The following PEX6 variants were observed in gnomAD, a reference collection of about 807,000 sequenced individuals.
The protein encoded by PEX6 is peroxisome biogenesis factor 6.
Under a neutral mutation model 85.6 loss-of-function variants are expected in PEX6, and 55 were observed. The observed-to-expected ratio is 0.64, with a 90% confidence interval of 0.52 to 0.80. The LOEUF is 0.80. Among genes scored for constraint, PEX6 ranks in the 30% least tolerant of loss-of-function variants. The probability of loss-of-function intolerance (pLI) is 0.00; values close to 1 mark genes in which losing one functional copy is unlikely to be tolerated. For synonymous variants in PEX6, 519 were observed against 549.1 expected (o/e 0.95, Z 0.77); for missense variants, 1,099 against 1,260.3 (o/e 0.87, Z 1.94).
rs768582992 is a variant in PEX6, at chr6:42,966,823, G to A, written c.1920C>T (p.Thr640=). ...TGGTGCAGGCTGCCCGGCTGCTGTG[G>A]GTCAGAAGGGCATAGAGATCCCCTA... The part of the protein sequence containing the change: ...FVVGDLYALL[T]HSSRAACTRI... The change falls in exon 9 of 17, where the codon ACC becomes ACT. Residue 640 remains threonine, a synonymous_variant. Coordinates refer to ENST00000304611, the MANE Select transcript of PEX6 (RefSeq NM_000287.4). 2 of 1,613,664 alleles carry A rather than the reference G, an allele frequency of 1.2e-6. No homozygotes were observed. The highest frequency in any genetic ancestry group is 2.2e-5 in the South Asian group (2 of 91,080).
At chr6:42,968,628 T>G (rs1436878306) in intron 6 of PEX6, 130 bp from the exon 7 acceptor site, 3 of 859,984 alleles carry the variant, frequency 3.5e-6, no homozygotes, top group Non-Finnish European at 5.5e-6. Context: ...GAAGGTACCC[T>G]GGCCAAGTCC....
chr6:42,964,712 C>T lies in PEX6; in HGVS notation c.2806+78G>A, dbSNP rs7775607. ...TCAAGCGATCCTCCCACCTCAGCCT[C>T]TCAAGTAGCTGGGACTCAGGTGCAC... On this transcript the variant is annotated intron_variant, in intron 16 of 16. Coordinates refer to ENST00000304611, the MANE Select transcript of PEX6 (RefSeq NM_000287.4). The surrounding 1 kb of genome is among the most constrained non-coding windows in gnomAD (Gnocchi z 4.6). The T allele has an allele frequency of 2.1e-3, 3,277 of 1,584,588 alleles. 62 individuals are homozygous for T. The African/African-American group carries it at 0.037, about 18-fold the overall frequency.
At position 42,965,401 on chromosome 6, in the gene PEX6, G is replaced by A. The variant is rs1343325270; in HGVS notation, c.2472-33C>T. The A allele has an allele frequency of 1.3e-6, 2 of 1,499,964 alleles. No individual in the cohort carries two copies. Among genetic ancestry groups the A allele is most frequent in the Non-Finnish European group, 1.9e-6 (2 of 1,077,416 alleles). The allele number at this position is 1,499,964 out of a possible 1,614,324, so 92.9% of individuals were successfully genotyped here. ...GAAGGGAGCAAGGGCAAGAGTCCTTGGTGTCCCCCTTAGACTCTGCCCCTG... is the reference window on the plus strand; with the variant it reads ...GAAGGGAGCAAGGGCAAGAGTCCTTAGTGTCCCCCTTAGACTCTGCCCCTG... On this transcript the variant is annotated intron_variant, in intron 13 of 16. Coordinates refer to ENST00000304611, the MANE Select transcript of PEX6 (RefSeq NM_000287.4). This position sits in a 1 kb window ranked among gnomAD's most constrained non-coding sequence, Gnocchi z 5.0.
At position 42,966,416 on chromosome 6, in the gene PEX6, C is replaced by T. The variant is rs770486533; in HGVS notation, c.2126G>A (p.Gly709Glu). The T allele has an allele frequency of 1.2e-6, 2 of 1,614,140 alleles. No homozygotes were observed. The highest frequency in any genetic ancestry group is 2.2e-5 in the South Asian group (2 of 91,084). ...GATCTCCTTCTTCACCTCCTGCAGC[C>T]CACCCACATCATGCCAGGACACTGA... ...IPSVSWHDVG[G>E]LQEVKKEILE... Residue 709 changes from glycine (G) to glutamate (E), a missense_variant, in exon 11 of 17, where the codon GGG becomes GAG. Physicochemically the swap from Gly to Glu is moderately conservative, Grantham distance 98 (BLOSUM62 -2). Transcript: ENST00000304611.
intron 8 of PEX6, 135 bp downstream of exon 8, chr6:42,967,233 T>A: frequency 1.2e-6 from 1 of 837,576 alleles, no homozygotes; most frequent in Non-Finnish European, 1.9e-6. Context: ...CCTCCCAAAG[T>A]GCTAGGATTA....
rs1266249172 is a variant in PEX6, at chr6:42,971,736, C to T, written c.1131-1749G>A. On this transcript the variant is annotated intron_variant, in intron 3 of 16. Transcript: ENST00000304611. This position sits in a 1 kb window ranked among gnomAD's most constrained non-coding sequence, Gnocchi z 4.4. ...CTTGCGGGGAAAAGAACTATGTGCT[C>T]GGCACTCAGGAGGAAAGCAGGGTTC... 6.6e-6 allele frequency among the ~76,000 whole-genome samples: 1 copy of T among 152,180 alleles called. No individual in the cohort carries two copies. The highest frequency in any genetic ancestry group is 1.5e-5 in the Non-Finnish European group (1 of 68,040).
At chr6:42,972,661 T>C (rs1313922330) in intron 3 of PEX6, among the ~76,000 whole-genome samples, 1 of 151,738 alleles carries the variant, frequency 6.6e-6, no homozygotes, top group East Asian at 1.9e-4. Context: ...TCCCAGCTAC[T>C]TGGGAGGCTG....
In PEX6 at chr6:42,974,923, G is replaced by A. The variant is rs1770224953; in HGVS notation, c.998C>T (p.Thr333Ile). 6.2e-7 allele frequency: 1 copy of A among 1,614,002 alleles called. No homozygotes were observed. Among genetic ancestry groups the A allele is most frequent in the South Asian group, 1.1e-5 (1 of 91,080 alleles). The change falls in exon 2 of 17, where the codon ACT becomes ATT. Residue 333 changes from threonine (T) to isoleucine (I), a missense_variant. Thr to Ile is a moderately conservative substitution (Grantham distance 89). Transcript: ENST00000304611. ...IEIVSSPHYS[T>I]NGNYDGVLYR... is the part of the protein sequence containing the mutation. ...AAGAACACCGTCATAATTTCCATTAGTGCTGTAGTGGGGAGAAGACACAAT... is the reference window on the plus strand; with the variant it reads ...AAGAACACCGTCATAATTTCCATTAATGCTGTAGTGGGGAGAAGACACAAT...
chr6:42,976,051 ATT>A (rs575675085), intron 1 of PEX6, among the ~76,000 whole-genome samples: 5 of 143,704 alleles, frequency 3.5e-5, no homozygotes, highest in African/African-American at 5.1e-5. Context: ...ACCACACCTA[ATT>A]TTTTTTTTTT....
intron 7 of PEX6, 62 bp downstream of exon 7, chr6:42,968,228 G>A: frequency 7.1e-7 from 1 of 1,409,026 alleles, no homozygotes; most frequent in Non-Finnish European, 1.0e-6. Flanking sequence ...GGGATTATAA[G>A]TGTGAGCCAC....
In PEX6 at chr6:42,965,712, G is replaced by A. The variant is rs267608241; in HGVS notation, c.2440C>T (p.Arg814Ter). The change falls in exon 13 of 17, where the codon CGA becomes TGA. Residue 814 changes from arginine (R) to a stop codon, truncating the protein, a stop_gained. Coordinates refer to ENST00000304611, the MANE Select transcript of PEX6 (RefSeq NM_000287.4). LOFTEE classifies it high-confidence loss of function. This position sits in a 1 kb window ranked among gnomAD's most constrained non-coding sequence, Gnocchi z 5.0. ...ATCACTCCTCCAGAATCTCCACTTC[G>A]CCCCCGGCTTGGGGCCAAAGAGTCC... ...ELDSLAPSRG[R>*]SGDSGGVMDR... The A allele has an allele frequency of 6.2e-6, 10 of 1,613,648 alleles. No homozygotes were observed. The highest frequency in any genetic ancestry group is 4.5e-5 in the East Asian group (2 of 44,864).
Position 42,964,217 on chromosome 6 carries a change from G to T in PEX6, c.*118C>A, listed in dbSNP as rs1406584629. 8 of 1,177,364 alleles carry T rather than the reference G, an allele frequency of 6.8e-6. No individual in the cohort carries two copies. The highest frequency in any genetic ancestry group is 1.0e-5 in the Non-Finnish European group (8 of 801,044). The allele number at this position is 1,177,364 out of a possible 1,614,324, so 72.9% of individuals were successfully genotyped here. ...GCACCCTGGGATCTCCTGGAGGGAGGTGGCCTCCAGGTGGGTTGGCAGCAG... is the reference window on the plus strand; with the variant it reads ...GCACCCTGGGATCTCCTGGAGGGAGTTGGCCTCCAGGTGGGTTGGCAGCAG... On this transcript the variant is annotated 3_prime_UTR_variant, in exon 17 of 17. Transcript: ENST00000304611. The surrounding 1 kb of genome is among the most constrained non-coding windows in gnomAD (Gnocchi z 4.6).
At position 42,966,216 on chromosome 6, in the gene PEX6, C is replaced by T. The variant is rs781460706; in HGVS notation, c.2300+26G>A. Reference sequence around the variant, plus strand: ...CCTGCTGCAGCCCCTGATCCACCCACCATCCCTTCCAGGCCCCCTGGCCAC... The same window carrying T: ...CCTGCTGCAGCCCCTGATCCACCCATCATCCCTTCCAGGCCCCCTGGCCAC... On this transcript the variant is annotated intron_variant, in intron 11 of 16. Transcript: ENST00000304611. The T allele has an allele frequency of 3.7e-6, 6 of 1,611,434 alleles. No individual in the cohort carries two copies. In the South Asian group the frequency reaches 6.6e-5, roughly 18 times the overall value.
In PEX6 at chr6:42,974,907, G is replaced by A. The variant is rs140806942; in HGVS notation, c.1014C>T (p.Asp338=). 6.4e-5 allele frequency: 103 copies of A among 1,613,948 alleles called. No individual in the cohort carries two copies. In the African/African-American group the frequency reaches 1.0e-3, roughly 16 times the overall value. ...TCTGAAAGTGCCGGTAAAGAACACC[G>A]TCATAATTTCCATTAGTGCTGTAGT... ...SPHYSTNGNY[D]GVLYRHFQIP... Residue 338 remains aspartate, a synonymous_variant, in exon 2 of 17, where the codon GAC becomes GAT. Coordinates refer to ENST00000304611, the MANE Select transcript of PEX6 (RefSeq NM_000287.4).
intron 11 of PEX6, 48 bp from the exon 12 acceptor site, chr6:42,966,153 C>T: frequency 1.9e-6 from 3 of 1,610,546 alleles, no homozygotes; most frequent in Non-Finnish European, 2.5e-6. Flanking sequence ...TGCACATACA[C>T]ACAATTGACC....
chr6:42,966,713 C>CCTT, intron 9 of PEX6, 56 bp from the exon 10 acceptor site: 1 of 1,613,968 alleles, frequency 6.2e-7, no homozygotes, highest in African/African-American at 1.3e-5. Context: ...TTCCCTTCTC[C>CCTT]CTTCCTCACC....
intron 8 of PEX6, 129 bp downstream of exon 8, chr6:42,967,239 G>C (rs746232270): frequency 1.8e-4 from 161 of 888,946 alleles, no homozygotes; most frequent in Non-Finnish European, 2.6e-4. Flanking sequence ...AAAGTGCTAG[G>C]ATTACAGGCG....
At chr6:42,977,768 C>CA (rs200706906) in intron 1 of PEX6, among the ~76,000 whole-genome samples, 1,212 of 51,564 alleles carry the variant, frequency 0.024, 23 homozygotes, top group Non-Finnish European at 0.03. Context: ...GACCCCATCT[C>CA]AAAAAAAAAA....
chr6:42,975,144 C>G, intron 1 of PEX6, 106 bp from the exon 2 acceptor site: 2 of 1,001,940 alleles, frequency 2.0e-6, no homozygotes, highest in Non-Finnish European at 3.2e-6. Context: ...TTTCCCATAA[C>G]CACAAGGCTT....
Sources: allele counts gnomAD v4.1 joint callset (sites outside exome capture counted in the v4.1 genomes callset), GRCh38; gene constraint gnomAD v4.1.1; non-coding constraint Gnocchi (gnomAD v3.1); transcripts MANE v1.5; gene names NCBI Gene and HGNC (gene_info 2026-07-23, HGNC 2026-07-21).